The following CNTRL variants were observed in gnomAD, a reference collection of about 807,000 sequenced individuals.
CNTRL encodes the protein 110 kDa centrosomal protein.
In CNTRL, 233 loss-of-function variants were observed where a neutral mutation model predicts 303.7. The ratio of observed to expected loss-of-function variants is 0.77; its 90% confidence interval spans 0.69 to 0.86. The LOEUF (loss-of-function observed/expected upper bound fraction) is 0.86. Ranked by LOEUF, CNTRL falls within the 40% of genes least tolerant of loss-of-function variation. The probability of loss-of-function intolerance (pLI) is 0.00; values close to 1 mark genes in which losing one functional copy is unlikely to be tolerated. For synonymous variants in CNTRL, 900 were observed against 922.2 expected, an observed-to-expected ratio of 0.98 and a Z score of 0.44; for missense variants, 2,524 against 2,650.6, an observed-to-expected ratio of 0.95 and a Z score of 1.05.
Position 121,173,315 on chromosome 9 carries a change from G to A in CNTRL, c.6490G>A (p.Val2164Met), listed in dbSNP as rs184930359. The A allele has an allele frequency of 6.2e-7, 1 of 1,614,068 alleles. No homozygotes were observed. The change falls in exon 41 of 44, where the codon GTG (valine) becomes ATG (methionine). Residue 2164 changes from valine to methionine, a missense_variant. By Grantham distance (21) the Val-to-Met change is conservative (BLOSUM62 1). Coordinates refer to ENST00000373855, the MANE Select transcript of CNTRL (RefSeq NM_007018.6). Reference sequence around the variant, plus strand: ...TGCAATGAGGACACTTAAATCTGAGGTGAAGGATGAAATCAGAACCAGCTT... The same window carrying A: ...TGCAATGAGGACACTTAAATCTGAGATGAAGGATGAAATCAGAACCAGCTT... Reference protein sequence around the residue: ...SDAMRTLKSEVKDEIRTSLKN... With the variant: ...SDAMRTLKSEMKDEIRTSLKN...
rs963474011 is a variant in CNTRL at position 121,128,415 on chromosome 9, A to G, written c.2025+2479A>G. Among the ~76,000 whole-genome samples the G allele has an allele frequency of 3.9e-5, 6 of 152,086 alleles. No homozygotes were observed. The East Asian group carries it at 7.7e-4, about 20-fold the overall frequency. On this transcript the variant is annotated intron_variant, in intron 14 of 43. Coordinates refer to ENST00000373855, the MANE Select transcript of CNTRL (RefSeq NM_007018.6). The stretch of plus-strand genomic sequence containing the variant: ...GGCCAGTGATGATGAGCATTTTTTC[A>G]TGTGTCTGTTGGCTGCATAAATGTC...
intron 14 of CNTRL, among the ~76,000 whole-genome samples, chr9:121,135,377 A>G (rs753793417): frequency 2.6e-5 from 4 of 152,262 alleles, no homozygotes; most frequent in Non-Finnish European, 5.9e-5. Flanking sequence ...TATTCATTCT[A>G]CAATTCCTCA....
chr9:121,161,164 A>G (rs1017953640), intron 32 of CNTRL: 2 of 390,210 alleles, frequency 5.1e-6, no homozygotes, highest in African/African-American at 2.1e-5. Context: ...GCTCACGCGC[A>G]CACACATGCA....
chr9:121,134,779 T>C (rs1381113225), intron 14 of CNTRL, among the ~76,000 whole-genome samples: 1 of 152,216 alleles, frequency 6.6e-6, no homozygotes, highest in East Asian at 1.9e-4. Context: ...TGTAAAATAG[T>C]ATCTTAAGTT....
At chr9:121,083,492 A>AAGGTCTTCAAGGGC (rs1347510318) in intron 2 of CNTRL, among the ~76,000 whole-genome samples, 2 of 152,226 alleles carry the variant, frequency 1.3e-5, no homozygotes, top group African/African-American at 4.8e-5. Context: ...GTTCCACTGG[A>AAGGTCTTCAAGGGC]AGGTCTTCAA....
chr9:121,139,419 C>CA (rs1169391915), intron 16 of CNTRL, among the ~76,000 whole-genome samples: 1 of 151,302 alleles, frequency 6.6e-6, no homozygotes, highest in African/African-American at 2.4e-5. Flanking sequence ...GGAAGGGTTC[C>CA]AAAAAAAACT....
Position 121,173,282 on chromosome 9 carries a change from A to G in CNTRL, c.6457A>G (p.Ile2153Val), listed in dbSNP as rs761826491. The change falls in exon 41 of 44, where the codon ATC (isoleucine) becomes GTC (valine). Residue 2153 changes from isoleucine to valine, a missense_variant. By Grantham distance (29) the Ile-to-Val change is conservative. Coordinates refer to ENST00000373855, the MANE Select transcript of CNTRL (RefSeq NM_007018.6). ...QKDLERRQME[I>V]SDAMRTLKSE... is the part of the protein sequence containing the mutation. ...AGATTTGGAGAGAAGACAAATGGAA[A>G]TCAGTGATGCAATGAGGACACTTAA... The G allele has an allele frequency of 3.7e-6, 6 of 1,612,866 alleles. No individual in the cohort carries two copies. The South Asian group carries it at 6.6e-5, about 18-fold the overall frequency.
At position 121,141,566 on chromosome 9, in the gene CNTRL, G is replaced by A. The variant is rs1564263378; in HGVS notation, c.2669G>A (p.Cys890Tyr). Residue 890 changes from cysteine to tyrosine, a missense_variant, in exon 18 of 44, where the codon TGT becomes TAT. Transcript: ENST00000373855. ...GGACAAGAAGAGTTCAGGCAGGCCT[G>A]TGAGAGAGCCCTGGAAGCAAGAGTA... ...ATGQEEFRQA[C>Y]ERALEARMNF... 1 of 1,614,070 alleles carries A rather than the reference G, an allele frequency of 6.2e-7. No individual in the cohort carries two copies. The highest frequency in any genetic ancestry group is 2.2e-5 in the East Asian group (1 of 44,862).
chr9:121,087,591 C>T (rs757184498), intron 2 of CNTRL, among the ~76,000 whole-genome samples: 4 of 151,832 alleles, frequency 2.6e-5, no homozygotes, highest in African/African-American at 7.2e-5. Context: ...CTCGGGAGGT[C>T]GAGGCAGAAG....
rs773202160 is a variant in CNTRL, at chr9:121,113,719, G to A, written c.1340G>A (p.Ser447Asn). 6.6e-7 allele frequency: 1 copy of A among 1,515,356 alleles called. No individual in the cohort carries two copies. Among genetic ancestry groups the A allele is most frequent in the South Asian group, 1.3e-5 (1 of 75,576 alleles). The allele number at this position is 1,515,356 out of a possible 1,614,324, so 93.9% of individuals were successfully genotyped here. A position where few individuals can be genotyped will look rare whatever the true frequency, so the allele number is the denominator to read the frequency against. Reference sequence around the variant, plus strand: ...CTGGAAGACAAAGAAAAAAAAATAAGTGCAGGTTAAAAAAAGTTATTTTAA... The same window carrying A: ...CTGGAAGACAAAGAAAAAAAAATAAATGCAGGTTAAAAAAAGTTATTTTAA... Reference protein sequence around the residue: ...TQLEDKEKKISAAQTRLSELH... With the variant: ...TQLEDKEKKINAAQTRLSELH... Residue 447 changes from serine (S) to asparagine (N), a missense_variant, in exon 10 of 44, where the codon AGT (serine) becomes AAT (asparagine). Physicochemically the swap from Ser to Asn is conservative, Grantham distance 46. Coordinates refer to ENST00000373855, the MANE Select transcript of CNTRL (RefSeq NM_007018.6).
intron 40 of CNTRL, 151 bp from the exon 41 acceptor site, chr9:121,173,092 T>C (rs2053377468): frequency 1.2e-5 from 8 of 663,722 alleles, no homozygotes; most frequent in Non-Finnish European, 2.0e-5. Flanking sequence ...TATAGAGTCT[T>C]GAGTATCTGA....
intron 16 of CNTRL, 85 bp from the exon 17 acceptor site, chr9:121,140,556 G>A: frequency 8.4e-7 from 1 of 1,187,374 alleles, no homozygotes. Context: ...ATTTAGTTCT[G>A]TGGTCTAGAT....
rs2053297353 is a variant in CNTRL at position 121,171,395 on chromosome 9, C to T, written c.6277-13C>T. The stretch of plus-strand genomic sequence containing the variant: ...TGTTAGATCGCAGAGTTATTTTCTT[C>T]CTCCTGTGCTAGGAGCAAAAACAGG... On this transcript the variant is annotated splice_polypyrimidine_tract_variant and intron_variant, in intron 39 of 43. Coordinates refer to ENST00000373855, the MANE Select transcript of CNTRL (RefSeq NM_007018.6). 4 of 1,613,568 alleles carry T rather than the reference C, an allele frequency of 2.5e-6. No individual in the cohort carries two copies. The highest frequency in any genetic ancestry group is 1.3e-5 in the African/African-American group (1 of 74,908).
intron 11 of CNTRL, 65 bp from the exon 12 acceptor site, chr9:121,118,281 C>A: frequency 8.2e-7 from 1 of 1,226,092 alleles, no homozygotes; most frequent in Non-Finnish European, 1.1e-6. Context: ...AAATTATAGA[C>A]ATTGTCTTAA....
chr9:121,087,463 C>T (rs767099923), intron 2 of CNTRL, among the ~76,000 whole-genome samples: 1 of 151,936 alleles, frequency 6.6e-6, no homozygotes, highest in South Asian at 2.1e-4. Flanking sequence ...GGCCAAGGCA[C>T]GTGGATCACC....
intron 3 of CNTRL, among the ~76,000 whole-genome samples, chr9:121,089,778 T>C (rs1005949201): frequency 5.3e-5 from 8 of 152,194 alleles, no homozygotes; most frequent in African/African-American, 1.9e-4. Context: ...TCTGACTGGA[T>C]TCAAGTTCTG....
At chr9:121,095,246 T>A (rs750556073) in intron 5 of CNTRL, among the ~76,000 whole-genome samples, 13 of 152,238 alleles carry the variant, frequency 8.5e-5, no homozygotes, top group African/African-American at 1.7e-4. Context: ...CAAAGAGATA[T>A]ATTTTTGAGC....
Position 121,171,429 on chromosome 9 carries a change from T to TG in CNTRL, c.6299dup (p.Cys2100TrpfsTer10). 6.2e-7 allele frequency: 1 copy of TG among 1,614,052 alleles called. No individual in the cohort carries two copies. Among genetic ancestry groups the TG allele is most frequent in the South Asian group, 1.1e-5 (1 of 91,090 alleles). On this transcript the variant is annotated frameshift_variant, in exon 40 of 44. Transcript: ENST00000373855. LOFTEE classifies it high-confidence loss of function. Reference sequence around the variant, plus strand: ...CTAGGAGCAAAAACAGGAGAACAGCTGCATACAAAAGGAAATGGCAACAAT... The same window carrying TG: ...CTAGGAGCAAAAACAGGAGAACAGCTGGCATACAAAAGGAAATGGCAACAAT...
At chr9:121,082,459 AATTTAAC>A (rs1466621103) in intron 2 of CNTRL, among the ~76,000 whole-genome samples, 1 of 152,242 alleles carries the variant, frequency 6.6e-6, no homozygotes, top group Non-Finnish European at 1.5e-5. Flanking sequence ...AATTTAGTTT[AATTTAAC>A]ATACAGTCAT....
Sources: allele counts gnomAD v4.1 joint callset (sites outside exome capture counted in the v4.1 genomes callset), GRCh38; gene constraint gnomAD v4.1.1; transcripts MANE v1.5; gene names NCBI Gene and HGNC (gene_info 2026-07-23, HGNC 2026-07-21).